THSD7A: variants seen among roughly 807,000 people sequenced by gnomAD.
THSD7A encodes the protein thrombospondin type-1 domain-containing protein 7A.
In THSD7A, 96 loss-of-function variants were observed where a neutral mutation model predicts 231.3. The ratio of observed to expected loss-of-function variants is 0.41; its 90% CI spans 0.35 to 0.49. THSD7A has a LOEUF of 0.49. Ranked by LOEUF, THSD7A falls within the 20% of genes least tolerant of loss-of-function variation. THSD7A has a pLI of 0.05. For missense variants in THSD7A, 2,290 were observed against 2,070.2 expected (o/e 1.11, Z -2.06); for synonymous variants, 940 against 743.3 (o/e 1.26, Z -4.30).
intron 2 of THSD7A, among the ~76,000 whole-genome samples, chr7:11,597,704 T>C (rs1298613415): frequency 6.6e-6 from 1 of 152,190 alleles, no homozygotes; most frequent in Non-Finnish European, 1.5e-5. Context: ...CAAGTCTCCA[T>C]GTGACCTGAA....
chr7:11,468,094 A>C (rs1785780826), intron 9 of THSD7A, among the ~76,000 whole-genome samples: 1 of 152,140 alleles, frequency 6.6e-6, no homozygotes, highest in African/African-American at 2.4e-5. Context: ...AAGTCTTTCC[A>C]CTTTCAAAAT....
intron 2 of THSD7A, among the ~76,000 whole-genome samples, chr7:11,609,976 T>C (rs1780867719): frequency 6.6e-6 from 1 of 152,280 alleles, no homozygotes; most frequent in African/African-American, 2.4e-5. Context: ...ATTTCCATTT[T>C]CCATTTTATA....
chr7:11,754,075 T>A (rs955515521), intron 1 of THSD7A, among the ~76,000 whole-genome samples: 2 of 151,920 alleles, frequency 1.3e-5, no homozygotes, highest in African/African-American at 2.4e-5. Flanking sequence ...TTGGCCTTAA[T>A]ATAAGGAAAA....
At chr7:11,409,915 T>C (rs572089858) in intron 19 of THSD7A, among the ~76,000 whole-genome samples, 47 of 152,238 alleles carry the variant, frequency 3.1e-4, no homozygotes, top group African/African-American at 9.1e-4. Flanking sequence ...GCTAATTTTG[T>C]ATTTTTAGTA....
Position 11,636,083 on chromosome 7 carries a change from A to G in THSD7A, c.1022+47T>C. The G allele has an allele frequency of 6.5e-7, 1 of 1,527,402 alleles. No homozygotes were observed. The highest frequency in any genetic ancestry group is 8.9e-7 in the Non-Finnish European group (1 of 1,123,810). 94.6% of individuals were successfully genotyped at this position (1,527,402 alleles called of 1,614,324 possible). A position where few individuals can be genotyped will look rare whatever the true frequency, so the allele number is the denominator to read the frequency against. On this transcript the variant is annotated intron_variant, in intron 2 of 27. Coordinates refer to ENST00000423059, the MANE Select transcript of THSD7A (RefSeq NM_015204.3). The surrounding 1 kb of genome is among the most constrained non-coding windows in gnomAD (Gnocchi z 10.0). ...GTACCGGATATCTTAGGTACTCATG[A>G]TTCTTGACAGACAAGCCTGTGTAGT...
intron 6 of THSD7A, among the ~76,000 whole-genome samples, chr7:11,503,033 G>A (rs965080166): frequency 6.6e-6 from 1 of 152,142 alleles, no homozygotes; most frequent in African/African-American, 2.4e-5. Flanking sequence ...GAAGAAAGCT[G>A]AGGGCATCAC....
At position 11,634,405 on chromosome 7, in the gene THSD7A, C is replaced by T. The variant is rs920062632; in HGVS notation, c.1022+1725G>A. Among the ~76,000 whole-genome samples the T allele has an allele frequency of 5.9e-5, 9 of 152,076 alleles. No homozygotes were observed. The highest frequency in any genetic ancestry group is 2.2e-4 in the African/African-American group (9 of 41,402). On this transcript the variant is annotated intron_variant, in intron 2 of 27. Transcript: ENST00000423059. This position sits in a 1 kb window ranked among gnomAD's most constrained non-coding sequence, Gnocchi z 4.1. ...AAATTAAATGTCTACAGCATGCTAA[C>T]CCAGTGATAGCAGGAAACAACTCAA... is the stretch of plus-strand genomic sequence containing the variant.
rs754517794 is a variant in THSD7A at position 11,541,243 on chromosome 7, A to G, written c.1822+176T>C. 2.1e-4 allele frequency among the ~76,000 whole-genome samples: 32 copies of G among 152,158 alleles called. 1 individual carries two copies. The highest frequency in any genetic ancestry group is 6.5e-5 in the Admixed American group (1 of 15,276). Reference sequence around the variant, plus strand: ...GGATCCTTCCCACTGCCACCATTTCATTAGAACAAAAGAGAAAGAGACAGG... The same window carrying G: ...GGATCCTTCCCACTGCCACCATTTCGTTAGAACAAAAGAGAAAGAGACAGG... On this transcript the variant is annotated intron_variant, in intron 6 of 27. Coordinates refer to ENST00000423059, the MANE Select transcript of THSD7A (RefSeq NM_015204.3).
At chr7:11,536,152 G>A (rs1163797271) in intron 6 of THSD7A, among the ~76,000 whole-genome samples, 1 of 152,110 alleles carries the variant, frequency 6.6e-6, no homozygotes, top group Admixed American at 6.6e-5. Context: ...AATTCAAATA[G>A]AATTATTTCA....
At chr7:11,627,481 T>C (rs1252024690) in intron 2 of THSD7A, among the ~76,000 whole-genome samples, 2 of 152,060 alleles carry the variant, frequency 1.3e-5, no homozygotes. Flanking sequence ...TGAGAAAACC[T>C]TCAATATTTA....
At chr7:11,790,760 T>G (rs1355129273) in intron 1 of THSD7A, among the ~76,000 whole-genome samples, 1 of 151,934 alleles carries the variant, frequency 6.6e-6, no homozygotes, top group African/African-American at 2.4e-5. Flanking sequence ...ATAAATATAA[T>G]TACAAGTTTA....
At chr7:11,639,444 C>G (rs985961800) in intron 1 of THSD7A, among the ~76,000 whole-genome samples, 2 of 151,912 alleles carry the variant, frequency 1.3e-5, no homozygotes, top group Admixed American at 1.3e-4. Context: ...CCGAGGCGGG[C>G]GGATCACAAG....
At chr7:11,742,888 T>C (rs150088066) in intron 1 of THSD7A, among the ~76,000 whole-genome samples, 3 of 152,028 alleles carry the variant, frequency 2.0e-5, no homozygotes, top group Non-Finnish European at 4.4e-5. Flanking sequence ...TATGGTTCTG[T>C]TCATTGAGGT....
chr7:11,391,858 T>A (rs1008876192), intron 23 of THSD7A, among the ~76,000 whole-genome samples: 1 of 152,160 alleles, frequency 6.6e-6, no homozygotes, highest in African/African-American at 2.4e-5. Flanking sequence ...AGGGAATCCC[T>A]GACCCCTTGC....
intron 1 of THSD7A, among the ~76,000 whole-genome samples, chr7:11,763,858 T>C (rs1361566394): frequency 6.6e-6 from 1 of 152,180 alleles, no homozygotes; most frequent in African/African-American, 2.4e-5. Flanking sequence ...TATAAAAACA[T>C]ATTAGTTGGA....
intron 4 of THSD7A, among the ~76,000 whole-genome samples, chr7:11,547,064 G>C (rs768546574): frequency 1.3e-5 from 2 of 152,128 alleles, no homozygotes; most frequent in Non-Finnish European, 2.9e-5. Flanking sequence ...ATTATGTGAA[G>C]AGACTAAACC....
chr7:11,666,991 A>G (rs1192778564), intron 1 of THSD7A, among the ~76,000 whole-genome samples: 1 of 152,142 alleles, frequency 6.6e-6, no homozygotes, highest in Non-Finnish European at 1.5e-5. Context: ...GTTTTTTTAA[A>G]AAAACAGATA....
intron 6 of THSD7A, among the ~76,000 whole-genome samples, chr7:11,519,895 A>T (rs542036998): frequency 6.6e-6 from 1 of 152,090 alleles, no homozygotes; most frequent in Non-Finnish European, 1.5e-5. Flanking sequence ...CTTCAAATTT[A>T]TTTTCAAACT....
rs188481920 is a variant in THSD7A at position 11,679,396 on chromosome 7, C to T, written c.191-42435G>A. ...ATAAAAAGCATTCAAATAGGAAAATCGGAAGTCAAATTATCTCTGTTTTCA... is the reference window on the plus strand; with the variant it reads ...ATAAAAAGCATTCAAATAGGAAAATTGGAAGTCAAATTATCTCTGTTTTCA... On this transcript the variant is annotated intron_variant, in intron 1 of 27. Transcript: ENST00000423059. Among the ~76,000 whole-genome samples the T allele has an allele frequency of 7.0e-4, 107 of 152,046 alleles. 2 individuals are homozygous for T. Among genetic ancestry groups the T allele is most frequent in the African/African-American group, 2.3e-3 (97 of 41,514 alleles).
Sources: allele counts gnomAD v4.1 joint callset (sites outside exome capture counted in the v4.1 genomes callset), GRCh38; gene constraint gnomAD v4.1.1; non-coding constraint Gnocchi (gnomAD v3.1); transcripts MANE v1.5; gene names NCBI Gene and HGNC (gene_info 2026-07-23, HGNC 2026-07-21).